PRKG1: variants seen among roughly 807,000 people sequenced by gnomAD.
PRKG1 encodes the protein protein kinase cGMP-dependent 1, also known as cGMP-dependent protein kinase 1.
Under a neutral mutation model 88.1 loss-of-function variants are expected in PRKG1, and 35 were observed. The ratio of observed to expected loss-of-function variants is 0.40; its 90% CI spans 0.30 to 0.53. The LOEUF is 0.53. Among genes scored for constraint, PRKG1 ranks in the 20% least tolerant of loss-of-function variants. The pLI is 0.59. For synonymous variants in PRKG1, 303 were observed against 292.5 expected (o/e 1.04, Z -0.37); for missense variants, 540 against 839.8 (o/e 0.64, Z 4.41).
At chr10:51,947,107 G>A (rs932828658) in intron 5 of PRKG1, among the ~76,000 whole-genome samples, 9 of 152,038 alleles carry the variant, frequency 5.9e-5, no homozygotes, top group Non-Finnish European at 1.3e-4. Flanking sequence ...GAGCTGTGGT[G>A]GGCTCCACCC....
intron 3 of PRKG1, among the ~76,000 whole-genome samples, chr10:51,778,906 A>C (rs1250325347): frequency 1.3e-5 from 2 of 152,106 alleles, no homozygotes; most frequent in Non-Finnish European, 2.9e-5. Context: ...GTTCTACTAG[A>C]AATAAGCTGG....
intron 2 of PRKG1, among the ~76,000 whole-genome samples, chr10:51,258,355 T>C (rs114246346): frequency 0.013 from 1,937 of 152,336 alleles, 38 homozygotes; most frequent in African/African-American, 0.043. Flanking sequence ...GATTTCGACA[T>C]TTTAAGAAGA....
chr10:51,101,229 A>C (rs1216294694), intron 1 of PRKG1, among the ~76,000 whole-genome samples: 1 of 152,190 alleles, frequency 6.6e-6, no homozygotes, highest in Non-Finnish European at 1.5e-5. Flanking sequence ...TGATAGAATT[A>C]GTGTCCTTAT....
intron 2 of PRKG1, among the ~76,000 whole-genome samples, chr10:51,444,143 T>C (rs149473064): frequency 1.1e-4 from 16 of 151,418 alleles, no homozygotes; most frequent in Non-Finnish European, 2.1e-4. Flanking sequence ...AGTGTAATTA[T>C]TATACCAGCT....
intron 3 of PRKG1, among the ~76,000 whole-genome samples, chr10:51,660,197 G>A (rs1165741140): frequency 6.6e-6 from 1 of 150,870 alleles, no homozygotes; most frequent in Non-Finnish European, 1.5e-5. Flanking sequence ...AAATGACACA[G>A]GAAGGCTGAA....
intron 3 of PRKG1, among the ~76,000 whole-genome samples, chr10:51,802,606 A>G (rs1839202976): frequency 6.6e-6 from 1 of 152,136 alleles, no homozygotes; most frequent in African/African-American, 2.4e-5. Context: ...TACCAAATGA[A>G]ATGCTAATTT....
intron 2 of PRKG1, among the ~76,000 whole-genome samples, chr10:51,265,624 G>A (rs1839818941): frequency 6.6e-6 from 1 of 152,038 alleles, no homozygotes; most frequent in African/African-American, 2.4e-5. Context: ...CAGAGTACAT[G>A]CCTTCCTCAG....
intron 3 of PRKG1, among the ~76,000 whole-genome samples, chr10:51,569,488 A>G (rs768211172): frequency 6.6e-6 from 1 of 152,016 alleles, no homozygotes; most frequent in African/African-American, 2.4e-5. Flanking sequence ...TAGTAGTAAT[A>G]ATAATATCTG....
intron 2 of PRKG1, among the ~76,000 whole-genome samples, chr10:51,205,979 G>C (rs753644609): frequency 6.6e-6 from 1 of 152,106 alleles, no homozygotes; most frequent in Non-Finnish European, 1.5e-5. Flanking sequence ...GTGTGGATGG[G>C]TGGTTAAATT....
chr10:51,058,686 C>G (rs2660199), intron 1 of PRKG1, among the ~76,000 whole-genome samples: 132,112 of 152,158 alleles, frequency 0.87, 57,482 homozygotes, highest in African/African-American at 0.93. Flanking sequence ...TTTCTCCTTA[C>G]AATGAGTGCT....
At chr10:51,125,643 C>T (rs933014747) in intron 1 of PRKG1, among the ~76,000 whole-genome samples, 21 of 148,148 alleles carry the variant, frequency 1.4e-4, no homozygotes, top group Admixed American at 8.8e-4. Context: ...GATTGAGCCA[C>T]TGAACTCCAG....
chr10:51,763,620 A>G (rs1589267155), intron 3 of PRKG1, among the ~76,000 whole-genome samples: 2 of 145,324 alleles, frequency 1.4e-5, no homozygotes, highest in Admixed American at 6.9e-5. Flanking sequence ...AAAAAAAAAA[A>G]GTAAGCATTC....
Position 51,659,711 on chromosome 10 carries a change from A to G in PRKG1, c.593-144874A>G, listed in dbSNP as rs72797334. ...AGCCTATTCCAATTTGGAATGTCCT[A>G]TTTATGGAAAAGTATACAAAATTGC... is the stretch of plus-strand genomic sequence containing the variant. On this transcript the variant is annotated intron_variant, in intron 3 of 17. Coordinates refer to ENST00000373980, the MANE Select transcript of PRKG1 (RefSeq NM_006258.4). 3.4e-3 allele frequency among the ~76,000 whole-genome samples: 523 copies of G among 152,240 alleles called. 2 individuals carry two copies. The highest frequency in any genetic ancestry group is 6.1e-3 in the Non-Finnish European group (417 of 67,994).
chr10:51,331,973 C>A (rs575496764), intron 2 of PRKG1, among the ~76,000 whole-genome samples: 5 of 152,260 alleles, frequency 3.3e-5, no homozygotes, highest in East Asian at 3.9e-4. Context: ...ACTGAACACC[C>A]ATTCTGAACA....
intron 4 of PRKG1, among the ~76,000 whole-genome samples, chr10:51,852,788 TTTC>T (rs747744399): frequency 6.6e-6 from 1 of 152,196 alleles, no homozygotes; most frequent in African/African-American, 2.4e-5. Flanking sequence ...AAATTATGTA[TTTC>T]AGATGTTTGT....
chr10:51,884,669 G>A (rs1017353222), intron 4 of PRKG1, among the ~76,000 whole-genome samples: 4 of 152,056 alleles, frequency 2.6e-5, no homozygotes, highest in Admixed American at 2.6e-4. Flanking sequence ...TGTCCAAGGT[G>A]GACTCACATC....
At chr10:51,299,791 A>C (rs1840829929) in intron 2 of PRKG1, 1 of 331,700 alleles carries the variant, frequency 3.0e-6, no homozygotes, top group African/African-American at 2.3e-5. Flanking sequence ...GCTCTGCAAT[A>C]ATAGAAATTC....
intron 12 of PRKG1, 59 bp from the exon 13 acceptor site, chr10:52,280,730 A>AAAGCCAT (rs1841986673): frequency 2.6e-6 from 4 of 1,542,106 alleles, no homozygotes; most frequent in South Asian, 2.4e-5. Flanking sequence ...AAAAAAAAAT[A>AAAGCCAT]AAGCCATATT....
At chr10:51,368,190 T>G (rs1842628507) in intron 2 of PRKG1, among the ~76,000 whole-genome samples, 1 of 152,042 alleles carries the variant, frequency 6.6e-6, no homozygotes, top group Admixed American at 6.6e-5. Flanking sequence ...CCAAGGTATT[T>G]CCTTACCTAT....
Sources: gnomAD v4.1 joint callset for allele counts (sites outside exome capture counted in the v4.1 genomes callset) on GRCh38, gnomAD v4.1.1 for gene constraint, MANE v1.5 for transcripts, NCBI Gene and HGNC (gene_info 2026-07-23, HGNC 2026-07-21) for gene names.